Variants in PPP2R2B observed in about 807,000 individuals in gnomAD.
PPP2R2B encodes the protein protein phosphatase 2 regulatory subunit Bbeta, also known as serine/threonine-protein phosphatase 2A 55 kDa regulatory subunit B beta isoform.
A neutral mutation model predicts 46.0 loss-of-function variants in PPP2R2B; 5 were observed. The observed-to-expected ratio is 0.11, with a 90% confidence interval of 0.06 to 0.23. The LOEUF (loss-of-function observed/expected upper bound fraction) is 0.23, where lower values mean the gene tolerates loss of function less well. Ranked by LOEUF, PPP2R2B falls within the 10% of genes least tolerant of loss-of-function variation. PPP2R2B has a pLI of 1.00. For synonymous variants in PPP2R2B, 215 were observed against 206.7 expected (o/e 1.04, Z -0.34); for missense variants, 367 against 575.0 (o/e 0.64, Z 3.70).
chr5:146,979,162 G>C (rs144126405), intron 1 of PPP2R2B, among the ~76,000 whole-genome samples: 1 of 152,058 alleles, frequency 6.6e-6, no homozygotes, highest in African/African-American at 2.4e-5. Flanking sequence ...TATACTTGCT[G>C]TTTCCTTGGC....
chr5:147,074,221 T>TA (rs1057383483), intron 2 of PPP2R2B, among the ~76,000 whole-genome samples: 3 of 152,148 alleles, frequency 2.0e-5, no homozygotes, highest in Non-Finnish European at 1.5e-5. Context: ...CTAAGGTCAC[T>TA]AAGTGGGTAA....
intron 7 of PPP2R2B, among the ~76,000 whole-genome samples, chr5:146,633,906 C>G (rs1326800508): frequency 1.3e-5 from 2 of 152,214 alleles, no homozygotes; most frequent in African/African-American, 4.8e-5. Flanking sequence ...TCCTCAACAC[C>G]TCTACTTGTA....
intron 7 of PPP2R2B, among the ~76,000 whole-genome samples, chr5:146,616,670 C>T (rs1773197235): frequency 6.6e-6 from 1 of 152,146 alleles, no homozygotes; most frequent in Non-Finnish European, 1.5e-5. Flanking sequence ...ATCAAAACTA[C>T]AATTAGATAT....
intron 7 of PPP2R2B, among the ~76,000 whole-genome samples, chr5:146,637,344 G>A (rs1237708090): frequency 3.3e-5 from 5 of 152,144 alleles, no homozygotes; most frequent in African/African-American, 1.2e-4. Flanking sequence ...AACTGGGCTT[G>A]GGTTATTGGC....
intron 6 of PPP2R2B, among the ~76,000 whole-genome samples, chr5:146,650,122 TAAATG>T (rs1775860745): frequency 6.6e-6 from 1 of 152,194 alleles, no homozygotes; most frequent in Non-Finnish European, 1.5e-5. Context: ...TGGAACTCAA[TAAATG>T]TCAGTCACTA....
chr5:146,872,800 CA>C (rs1761690730), intron 2 of PPP2R2B, among the ~76,000 whole-genome samples: 1 of 152,120 alleles, frequency 6.6e-6, no homozygotes, highest in African/African-American at 2.4e-5. Flanking sequence ...TTATGCTTAC[CA>C]AGGCCCTATT....
chr5:146,971,191 T>C (rs1752647206), intron 1 of PPP2R2B, among the ~76,000 whole-genome samples: 2 of 152,196 alleles, frequency 1.3e-5, no homozygotes, highest in South Asian at 2.1e-4. Context: ...GTAGGACATA[T>C]GTTCATATCT....
rs547063032 is a variant in PPP2R2B, at chr5:146,933,234, T to C, written c.79+122431A>G. 3.3e-5 allele frequency among the ~76,000 whole-genome samples: 5 copies of C among 152,248 alleles called. No homozygotes were observed. The South Asian group carries it at 8.3e-4, about 25-fold the overall frequency. ...TGAATTTTTTGGTTGTAAAGTTATT[T>C]CCTAAGATTTTTTTTCAATTAACAT... On this transcript the variant is annotated intron_variant, in intron 1 of 8. Coordinates refer to the PPP2R2B transcript ENST00000336640.
In PPP2R2B at chr5:146,584,907, C is replaced by T. The variant is rs186529188; in HGVS notation, c.*5040G>A. 2 of 152,284 alleles carry T rather than the reference C, an allele frequency of 1.3e-5. No homozygotes were observed. The highest frequency in any genetic ancestry group is 3.9e-4 in the East Asian group (2 of 5,182). The allele number at this position is 152,284 out of a possible 1,614,324, so 9.4% of individuals were successfully genotyped here. On this transcript the variant is annotated 3_prime_UTR_variant, in exon 10 of 10. Transcript: ENST00000394411. Reference sequence around the variant, plus strand: ...TATGTTGGTCTACCTATTGGAAACGCTGTATCATGCTTTGTTGAGCAAATT... The same window carrying T: ...TATGTTGGTCTACCTATTGGAAACGTTGTATCATGCTTTGTTGAGCAAATT...
chr5:146,775,440 A>C (rs1255869587), intron 2 of PPP2R2B, among the ~76,000 whole-genome samples: 2 of 152,302 alleles, frequency 1.3e-5, no homozygotes, highest in African/African-American at 4.8e-5. Context: ...AAATCTAACA[A>C]ATATCCTTTC....
rs539349351 is a variant in PPP2R2B at position 147,005,293 on chromosome 5, A to T, written c.79+50372T>A. ...GGATATGAAGGGCAGGTTATGCCAT[A>T]GTTAGTGATGTAAACATACTTGAAA... is the stretch of plus-strand genomic sequence containing the variant. On this transcript the variant is annotated intron_variant, in intron 1 of 8. Coordinates refer to the PPP2R2B transcript ENST00000336640. 2.0e-5 allele frequency among the ~76,000 whole-genome samples: 3 copies of T among 152,330 alleles called. No individual in the cohort carries two copies. In the South Asian group the frequency reaches 6.2e-4, roughly 32 times the overall value.
chr5:146,884,089 GTTTTTTT>G (rs372611320), intron 1 of PPP2R2B, among the ~76,000 whole-genome samples: 8 of 104,694 alleles, frequency 7.6e-5, no homozygotes, highest in African/African-American at 1.2e-4. Context: ...TAAATTCAGG[GTTTTTTT>G]TTTTTTTTTT....
intron 2 of PPP2R2B, among the ~76,000 whole-genome samples, chr5:146,746,310 C>T (rs1257190538): frequency 6.6e-6 from 1 of 152,114 alleles, no homozygotes; most frequent in East Asian, 1.9e-4. Context: ...TAAACAACAC[C>T]TATCACTGGC....
In PPP2R2B at chr5:146,878,239, C is replaced by T; in HGVS notation, c.-124-44G>A. The T allele has an allele frequency of 3.3e-6, 5 of 1,521,952 alleles. No homozygotes were observed. The highest frequency in any genetic ancestry group is 3.5e-6 in the Non-Finnish European group (4 of 1,136,582). 94.3% of individuals were successfully genotyped at this position (1,521,952 alleles called of 1,614,324 possible). A position where few individuals can be genotyped will look rare whatever the true frequency, so the allele number is the denominator to read the frequency against. ...GGCGGAGAGAAAAAAAATAAAAACC[C>T]GGCAATGGAGCTGTCACCTCCTCCA... On this transcript the variant is annotated intron_variant, in intron 1 of 9. Transcript: ENST00000394411. The surrounding 1 kb of genome is among the most constrained non-coding windows in gnomAD (Gnocchi z 4.5).
intron 6 of PPP2R2B, among the ~76,000 whole-genome samples, chr5:146,640,852 G>C (rs1775162495): frequency 6.6e-6 from 1 of 152,176 alleles, no homozygotes; most frequent in African/African-American, 2.4e-5. Context: ...GTGCCCACGA[G>C]ATCTGCCCAG....
chr5:147,067,654 T>G (rs2151909797), intron 2 of PPP2R2B, among the ~76,000 whole-genome samples: 1 of 152,286 alleles, frequency 6.6e-6, no homozygotes, highest in Admixed American at 6.5e-5. Context: ...TCTGTTTTCC[T>G]TTCTGTACCC....
chr5:146,686,765 A>G (rs886639540), intron 5 of PPP2R2B, among the ~76,000 whole-genome samples: 1 of 152,174 alleles, frequency 6.6e-6, no homozygotes, highest in African/African-American at 2.4e-5. Flanking sequence ...GAATACCTCC[A>G]GGCTTACCCT....
At chr5:146,781,171 T>C (rs1204830905) in intron 2 of PPP2R2B, among the ~76,000 whole-genome samples, 7 of 111,592 alleles carry the variant, frequency 6.3e-5, no homozygotes, top group Admixed American at 5.6e-4. Flanking sequence ...TATATATATA[T>C]ATATAAAATT....
chr5:147,027,120 A>G (rs1378193856), intron 1 of PPP2R2B, among the ~76,000 whole-genome samples: 1 of 152,234 alleles, frequency 6.6e-6, no homozygotes, highest in Non-Finnish European at 1.5e-5. Context: ...GGAACTACTG[A>G]CATGCAATAA....
Sources: allele counts gnomAD v4.1 joint callset (sites outside exome capture counted in the v4.1 genomes callset), GRCh38; gene constraint gnomAD v4.1.1; non-coding constraint Gnocchi (gnomAD v3.1); transcripts MANE v1.5; gene names NCBI Gene and HGNC (gene_info 2026-07-23, HGNC 2026-07-21).